The following IQSEC3 variants were observed in gnomAD, a reference collection of about 807,000 sequenced individuals.
IQSEC3 encodes IQ motif and SEC7 domain-containing protein 3.
A neutral mutation model predicts 105.4 loss-of-function variants in IQSEC3; 50 were observed. The observed-to-expected ratio is 0.47, with a 90% CI of 0.38 to 0.60. IQSEC3 has a LOEUF of 0.60. Among genes scored for constraint, IQSEC3 ranks in the 20% least tolerant of loss-of-function variants. IQSEC3 has a pLI of 0.00. For synonymous variants in IQSEC3, 708 were observed against 746.0 expected (o/e 0.95, Z 0.83); for missense variants, 1,415 against 1,630.0 (o/e 0.87, Z 2.27).
intron 10 of IQSEC3, 93 bp from the exon 11 acceptor site, chr12:165,636 C>A: frequency 1.3e-6 from 2 of 1,569,654 alleles, no homozygotes; most frequent in Non-Finnish European, 1.7e-6. Context: ...TGGGTGGAGG[C>A]ATGAGACCCC....
At chr12:85,345 A>G (rs181296384) in intron 1 of IQSEC3, among the ~76,000 whole-genome samples, 7 of 152,350 alleles carry the variant, frequency 4.6e-5, no homozygotes, top group Non-Finnish European at 8.8e-5. Flanking sequence ...CCAGGCACCC[A>G]TCTGCCAGGT....
intron 5 of IQSEC3, chr12:143,376 G>C (rs920081373): frequency 6.5e-6 from 1 of 152,966 alleles, no homozygotes; most frequent in African/African-American, 2.4e-5. Context: ...GTGTGGCTTT[G>C]GCAGGACACC....
intron 5 of IQSEC3, among the ~76,000 whole-genome samples, chr12:145,109 A>G (rs1210409534): frequency 6.6e-6 from 1 of 152,274 alleles, no homozygotes; most frequent in Admixed American, 6.5e-5. Context: ...CTGGAATTAC[A>G]GGCATGAATC....
chr12:171,605 C>T (rs1334962510), intron 13 of IQSEC3: 4 of 543,258 alleles, frequency 7.4e-6, no homozygotes, highest in Non-Finnish European at 1.3e-5. Flanking sequence ...CGGAGAATTA[C>T]CCCTTAGGCC....
Position 165,747 on chromosome 12 carries a change from C to T in IQSEC3, c.2828C>T (p.Thr943Ile). 6.2e-7 allele frequency: 1 copy of T among 1,613,886 alleles called. No individual in the cohort carries two copies. The highest frequency in any genetic ancestry group is 8.5e-7 in the Non-Finnish European group (1 of 1,180,016). Residue 943 changes from threonine (T) to isoleucine (I), a missense_variant, in exon 11 of 14, where the codon ACA (threonine) becomes ATA (isoleucine). Thr to Ile is a moderately conservative substitution (Grantham distance 89). Transcript: ENST00000538872. ...FENEYYSHGI[T>I]LVTPLSGSEK... ...TTTCCAGATTACTCTCATGGCATCA[C>T]ACTGGTGACCCCGCTCTCGGGCTCC...
Position 99,900 on chromosome 12 carries a change from G to A in IQSEC3, c.623+686G>A, listed in dbSNP as rs186281238. Among the ~76,000 whole-genome samples, 8 of 152,110 alleles carry A rather than the reference G, an allele frequency of 5.3e-5. No homozygotes were observed. In the East Asian group the frequency reaches 7.7e-4, roughly 15 times the overall value. On this transcript the variant is annotated intron_variant, in intron 2 of 13. Coordinates refer to ENST00000538872, the MANE Select transcript of IQSEC3 (RefSeq NM_001170738.2). ...CTGTCTCTCTGCCCTTGTGTTTCTCGTTTCTCCTCTTCTGTGCCCACGTCG... is the reference window on the plus strand; with the variant it reads ...CTGTCTCTCTGCCCTTGTGTTTCTCATTTCTCCTCTTCTGTGCCCACGTCG...
intron 1 of IQSEC3, among the ~76,000 whole-genome samples, chr12:85,759 A>G (rs1555071907): frequency 6.6e-6 from 1 of 152,182 alleles, no homozygotes; most frequent in African/African-American, 2.4e-5. Context: ...CAAATATCTT[A>G]GACTCTCTGA....
At chr12:135,829 G>A (rs1426271208) in intron 3 of IQSEC3, among the ~76,000 whole-genome samples, 5 of 152,192 alleles carry the variant, frequency 3.3e-5, no homozygotes, top group Middle Eastern at 3.2e-3. Context: ...CAACAAGAGC[G>A]AGCTCAAAGG....
intron 5 of IQSEC3, among the ~76,000 whole-genome samples, chr12:150,231 G>C (rs1289028131): frequency 6.6e-6 from 1 of 152,190 alleles, no homozygotes; most frequent in Non-Finnish European, 1.5e-5. Flanking sequence ...TTCAGAATAC[G>C]CGTGTGCTTC....
At chr12:98,385 C>T (rs1160281311) in intron 1 of IQSEC3, among the ~76,000 whole-genome samples, 1 of 152,116 alleles carries the variant, frequency 6.6e-6, no homozygotes, top group African/African-American at 2.4e-5. Flanking sequence ...AAATCAGAGT[C>T]CTGGGGGGAA....
intron 5 of IQSEC3, 123 bp downstream of exon 5, chr12:141,408 T>C: frequency 9.3e-7 from 1 of 1,075,038 alleles, no homozygotes; most frequent in South Asian, 1.6e-5. Context: ...TTCCAGATTG[T>C]CCACAGGAAC....
rs1939288006 is a variant in IQSEC3, at chr12:178,005, CTCCAGAG to C, written c.*2975_*2981del. ...CCTGATTTGATCCATTCGGCCCCAA[CTCCAGAG>C]TCGGGAATGGGAGATGAAACTAGTT... On this transcript the variant is annotated 3_prime_UTR_variant, in exon 14 of 14. Transcript: ENST00000538872. 6.6e-6 allele frequency: 1 copy of C among 152,234 alleles called. No individual in the cohort carries two copies. The highest frequency in any genetic ancestry group is 6.5e-5 in the Admixed American group (1 of 15,286). 9.4% of individuals were successfully genotyped at this position (152,234 alleles called of 1,614,324 possible).
At position 139,050 on chromosome 12, in the gene IQSEC3, G is replaced by T. The variant is rs1555088055; in HGVS notation, c.1687G>T (p.Ala563Ser). 1 of 1,484,686 alleles carries T rather than the reference G, an allele frequency of 6.7e-7. No individual in the cohort carries two copies. The highest frequency in any genetic ancestry group is 9.0e-7 in the Non-Finnish European group (1 of 1,116,800). 92.0% of individuals were successfully genotyped at this position (1,484,686 alleles called of 1,614,324 possible). A position where few individuals can be genotyped will look rare whatever the true frequency, so the allele number is the denominator to read the frequency against. Residue 563 changes from alanine (A) to serine (S), a missense_variant, in exon 4 of 14, where the codon GCG (alanine) becomes TCG (serine). Ala to Ser is a moderately conservative substitution (Grantham distance 99). Transcript: ENST00000538872. ...SCAEAAASGA[A>S]DGATAPKTEE... ...CGCAGAGGCTGCGGCTAGTGGGGCG[G>T]CGGATGGGGCCACAGCCCCCAAAAC...
At position 165,528 on chromosome 12, in the gene IQSEC3, A is replaced by G. The variant is rs868973756; in HGVS notation, c.2804A>G (p.Asn935Ser). 2 of 1,608,158 alleles carry G rather than the reference A, an allele frequency of 1.2e-6. No individual in the cohort carries two copies. Among genetic ancestry groups the G allele is most frequent in the African/African-American group, 1.3e-5 (1 of 74,394 alleles). ...GGCATGCAGTTCCAGCTCTTTGAGAACGAGTGTAAGTCTTTGACAGCCAGT... is the reference window on the plus strand; with the variant it reads ...GGCATGCAGTTCCAGCTCTTTGAGAGCGAGTGTAAGTCTTTGACAGCCAGT... ...LLGMQFQLFE[N>S]EYYSHGITLV... is the part of the protein sequence containing the mutation. The change falls in exon 10 of 14, where the codon AAC (asparagine) becomes AGC (serine). Residue 935 changes from asparagine to serine, a missense_variant. Transcript: ENST00000538872.
chr12:170,838 T>G (rs1192757894), intron 12 of IQSEC3, among the ~76,000 whole-genome samples: 1 of 152,230 alleles, frequency 6.6e-6, no homozygotes, highest in African/African-American at 2.4e-5. Context: ...CAGTTCGTAC[T>G]GGGAAGGCTT....
Position 138,884 on chromosome 12 carries a change from G to A in IQSEC3, c.1521G>A (p.Val507=). 3 of 1,611,234 alleles carry A rather than the reference G, an allele frequency of 1.9e-6. No individual in the cohort carries two copies. The highest frequency in any genetic ancestry group is 2.5e-6 in the Non-Finnish European group (3 of 1,179,042). The change falls in exon 4 of 14, where the codon GTG becomes GTA. Residue 507 remains valine, a synonymous_variant. Transcript: ENST00000538872. The surrounding 1 kb of genome is among the most constrained non-coding windows in gnomAD (Gnocchi z 7.1). The part of the protein sequence containing the change: ...ISVSSSTALS[V]ANCLGAQTVQ... ...TCTCCTCCTCCACGGCTCTGTCGGT[G>A]GCCAACTGCCTGGGCGCTCAGACGG...
At chr12:156,870 G>A (rs1866704639) in intron 5 of IQSEC3, among the ~76,000 whole-genome samples, 155 bp from the exon 6 acceptor site, 1 of 152,158 alleles carries the variant, frequency 6.6e-6, no homozygotes, top group South Asian at 2.1e-4. Flanking sequence ...GGTGGGAGGA[G>A]ATGGTCCTCT....
intron 3 of IQSEC3, among the ~76,000 whole-genome samples, chr12:128,263 C>A (rs141993395): frequency 5.9e-5 from 9 of 152,268 alleles, no homozygotes; most frequent in African/African-American, 2.2e-4. Flanking sequence ...TTTGCTTGAC[C>A]CCCTCCTTGA....
chr12:112,474 G>A (rs563952983), intron 2 of IQSEC3, among the ~76,000 whole-genome samples: 288 of 152,342 alleles, frequency 1.9e-3, no homozygotes, highest in Non-Finnish European at 3.1e-3. Context: ...AGGGGAGTAA[G>A]AGAAAGTGTC....
Sources: allele counts gnomAD v4.1 joint callset (sites outside exome capture counted in the v4.1 genomes callset), GRCh38; gene constraint gnomAD v4.1.1; non-coding constraint Gnocchi (gnomAD v3.1); transcripts MANE v1.5; gene names NCBI Gene and HGNC (gene_info 2026-07-23, HGNC 2026-07-21).